Variants in CAPZB observed in about 807,000 individuals in gnomAD.
CAPZB encodes the protein capping actin protein of muscle Z-line subunit beta.
CAPZB carries 2 observed loss-of-function variants against 38.1 expected under a neutral mutation model. The observed-to-expected ratio is 0.05, with a 90% CI of 0.02 to 0.17. The LOEUF is 0.17. Among genes scored for constraint, CAPZB ranks in the 10% least tolerant of loss-of-function variants. The pLI, the probability that CAPZB is intolerant of heterozygous loss-of-function variation, is 1.00. For missense variants in CAPZB, 161 were observed against 334.2 expected (o/e 0.48, Z 4.04); for synonymous variants, 107 against 127.4 (o/e 0.84, Z 1.08).
Position 19,419,691 on chromosome 1 carries a change from G to T in CAPZB, c.63C>A (p.Ile21=). The T allele has an allele frequency of 1.3e-6, 2 of 1,596,834 alleles. No individual in the cohort carries two copies. Among genetic ancestry groups the T allele is most frequent in the Non-Finnish European group, 8.5e-7 (1 of 1,170,638 alleles). The change falls in exon 2 of 9, where the codon ATC becomes ATA. Residue 21 remains isoleucine, a synonymous_variant. Coordinates refer to ENST00000264202, the MANE Select transcript of CAPZB (RefSeq NM_004930.5). Reference sequence around the variant, plus strand: ...CGATCAGGTCGCTGAGGTTTTTCTCGATTTGCTGGGGAGGCAGGCGCCTCA... The same window carrying T: ...CGATCAGGTCGCTGAGGTTTTTCTCTATTTGCTGGGGAGGCAGGCGCCTCA... ...DLMRRLPPQQ[I]EKNLSDLIDL... is the part of the protein sequence containing the mutation.
intron 1 of CAPZB, among the ~76,000 whole-genome samples, chr1:19,459,509 C>T (rs555472756): frequency 1.6e-4 from 24 of 152,272 alleles, no homozygotes; most frequent in African/African-American, 5.3e-4. Context: ...CCTTGCTCAG[C>T]CTCTCAGCCC....
chr1:19,370,372 G>C (rs2094113541), intron 4 of CAPZB, among the ~76,000 whole-genome samples: 1 of 152,220 alleles, frequency 6.6e-6, no homozygotes, highest in Non-Finnish European at 1.5e-5. Flanking sequence ...AGGGAACAGA[G>C]CAAAGGAGGC....
At chr1:19,437,292 A>G (rs2094461261) in intron 1 of CAPZB, among the ~76,000 whole-genome samples, 1 of 152,152 alleles carries the variant, frequency 6.6e-6, no homozygotes, top group African/African-American at 2.4e-5. Flanking sequence ...AGAGTGAGAG[A>G]GGGAGAAATT....
At chr1:19,346,452 TAAAA>T (rs200968507) in intron 6 of CAPZB, among the ~76,000 whole-genome samples, 33 of 73,276 alleles carry the variant, frequency 4.5e-4, no homozygotes, top group African/African-American at 7.3e-4. Flanking sequence ...TGAGAGAAGC[TAAAA>T]AAAAAAAAAA....
chr1:19,478,067 G>A (rs1420316404), intron 1 of CAPZB, among the ~76,000 whole-genome samples: 1 of 152,218 alleles, frequency 6.6e-6, no homozygotes, highest in Non-Finnish European at 1.5e-5. Context: ...GCAGAGGGTG[G>A]AGAAGTGCGG....
intron 2 of CAPZB, among the ~76,000 whole-genome samples, chr1:19,388,543 C>A (rs1006377985): frequency 1.3e-5 from 2 of 152,208 alleles, no homozygotes; most frequent in African/African-American, 4.8e-5. Context: ...ATGCTGATGA[C>A]AAGTTTCCTG....
intron 2 of CAPZB, among the ~76,000 whole-genome samples, chr1:19,398,561 T>C (rs768708281): frequency 3.9e-5 from 6 of 152,140 alleles, no homozygotes; most frequent in Non-Finnish European, 8.8e-5. Context: ...ACAAGTCGGG[T>C]TGCTTCGCTG....
chr1:19,385,350 AGAG>A (rs1455165940), intron 3 of CAPZB, among the ~76,000 whole-genome samples, 152 bp downstream of exon 3: 1 of 152,200 alleles, frequency 6.6e-6, no homozygotes, highest in Non-Finnish European at 1.5e-5. Context: ...GGGGAGGACA[AGAG>A]AAGAAAGGAG....
In CAPZB at chr1:19,357,570, G is replaced by GA. The variant is rs1249939763; in HGVS notation, c.330-8dup. 5 of 1,613,980 alleles carry GA rather than the reference G, an allele frequency of 3.1e-6. No individual in the cohort carries two copies. Among genetic ancestry groups the GA allele is most frequent in the Non-Finnish European group, 4.2e-6 (5 of 1,179,954 alleles). On this transcript the variant is annotated splice_region_variant and splice_polypyrimidine_tract_variant and intron_variant, in intron 4 of 8. Coordinates refer to ENST00000264202, the MANE Select transcript of CAPZB (RefSeq NM_004930.5). This position sits in a 1 kb window ranked among gnomAD's most constrained non-coding sequence, Gnocchi z 4.3. ...GACGCCACCTTCAAAATACCTGCAG[G>GA]AAACAGGCCAATGTGCCTGTTAGAT...
chr1:19,361,837 C>T (rs2094054508), intron 4 of CAPZB, among the ~76,000 whole-genome samples: 1 of 152,202 alleles, frequency 6.6e-6, no homozygotes, highest in African/African-American at 2.4e-5. Flanking sequence ...AGCAGTTTAA[C>T]TGGTCTTTGT....
chr1:19,466,445 C>G (rs752466545), intron 1 of CAPZB, among the ~76,000 whole-genome samples: 7 of 152,224 alleles, frequency 4.6e-5, no homozygotes, highest in Non-Finnish European at 1.0e-4. Context: ...GATCACATGT[C>G]TAGGTCAGAG....
chr1:19,339,731 G>A, intron 8 of CAPZB, 114 bp from the exon 9 acceptor site: 1 of 820,144 alleles, frequency 1.2e-6, no homozygotes, highest in South Asian at 1.4e-5. Flanking sequence ...CCCGCTTCCT[G>A]GGGTGAGGCT....
Position 19,339,204 on chromosome 1 carries a change from G to C in CAPZB, c.*326C>G. ...ACCAATGTACCAAAAAGGTGGGAGG[G>C]AAGGGAGGCTGGCAGACAGTGGATT... On this transcript the variant is annotated 3_prime_UTR_variant, in exon 9 of 9. Coordinates refer to ENST00000264202, the MANE Select transcript of CAPZB (RefSeq NM_004930.5). 5.7e-6 allele frequency: 2 copies of C among 348,004 alleles called. No individual in the cohort carries two copies. The highest frequency in any genetic ancestry group is 9.9e-5 in the South Asian group (2 of 20,264). The allele number at this position is 348,004 out of a possible 1,614,324, so 21.6% of individuals were successfully genotyped here. A position where few individuals can be genotyped will look rare whatever the true frequency, so the allele number is the denominator to read the frequency against.
intron 2 of CAPZB, 138 bp from the exon 3 acceptor site, chr1:19,385,764 G>C: frequency 1.0e-6 from 1 of 966,858 alleles, no homozygotes; most frequent in South Asian, 1.3e-5. Flanking sequence ...TTATGGGCCT[G>C]TTCTTTTCTT....
chr1:19,485,106 C>T (rs1380681482), intron 1 of CAPZB, among the ~76,000 whole-genome samples: 1 of 152,056 alleles, frequency 6.6e-6, no homozygotes, highest in Non-Finnish European at 1.5e-5. Context: ...CCAGGGTCAC[C>T]GAGGGGGTGC....
chr1:19,476,227 G>GATAGATAA lies in CAPZB; in HGVS notation c.3+9208_3+9209insTTATCTAT, dbSNP rs1237046140. On this transcript the variant is annotated intron_variant, in intron 1 of 8. Transcript: ENST00000264202. ...AGATAGATAGATAGATAGATAGATA[G>GATAGATAA]GCAGGCAGGCAGGCACTGTGGCACA... is the stretch of plus-strand genomic sequence containing the variant. Among the ~76,000 whole-genome samples the GATAGATAA allele has an allele frequency of 3.3e-3, 153 of 46,954 alleles. 2 individuals carry two copies. Among genetic ancestry groups the GATAGATAA allele is most frequent in the Non-Finnish European group, 6.1e-3 (98 of 16,046 alleles). The allele number at this position is 46,954 out of a possible 152,430, so 30.8% of individuals were successfully genotyped here.
At chr1:19,445,514 C>T (rs931738890) in intron 1 of CAPZB, among the ~76,000 whole-genome samples, 2 of 152,122 alleles carry the variant, frequency 1.3e-5, no homozygotes, top group African/African-American at 2.4e-5. Flanking sequence ...GAAACATCCC[C>T]CTGTGATCTC....
intron 2 of CAPZB, among the ~76,000 whole-genome samples, chr1:19,400,297 G>A (rs1245293707): frequency 1.3e-5 from 2 of 152,180 alleles, no homozygotes; most frequent in Non-Finnish European, 2.9e-5. Context: ...TGATGATGGA[G>A]AGGAGAAACC....
intron 2 of CAPZB, among the ~76,000 whole-genome samples, chr1:19,401,406 A>G (rs907210301): frequency 6.6e-6 from 1 of 152,182 alleles, no homozygotes; most frequent in Non-Finnish European, 1.5e-5. Flanking sequence ...AGCATCGGCA[A>G]ATCTCCCCTT....
Sources: allele counts gnomAD v4.1 joint callset (sites outside exome capture counted in the v4.1 genomes callset), GRCh38; gene constraint gnomAD v4.1.1; non-coding constraint Gnocchi (gnomAD v3.1); transcripts MANE v1.5; gene names NCBI Gene and HGNC (gene_info 2026-07-23, HGNC 2026-07-21).